CLSTN1: variants seen among roughly 807,000 people sequenced by gnomAD.
CLSTN1 encodes calsyntenin 1, also known as calsyntenin-1.
CLSTN1 carries 28 observed loss-of-function variants against 108.3 expected under a neutral mutation model. The observed-to-expected ratio is 0.26, with a 90% confidence interval of 0.19 to 0.35. CLSTN1 has a LOEUF of 0.35. Ranked by LOEUF, CLSTN1 falls within the 10% of genes least tolerant of loss-of-function variation. The pLI is 1.00. For missense variants in CLSTN1, 1,157 were observed against 1,302.6 expected, an observed-to-expected ratio of 0.89 and a Z score of 1.72; for synonymous variants, 524 against 534.9, an observed-to-expected ratio of 0.98 and a Z score of 0.28.
chr1:9,786,761 G>A lies in CLSTN1; in HGVS notation c.92-13367C>T, dbSNP rs997592677. Among the ~76,000 whole-genome samples the A allele has an allele frequency of 6.6e-5, 10 of 151,224 alleles. No homozygotes were observed. The South Asian group carries it at 8.7e-4, about 13-fold the overall frequency. ...GACACCTGCCTGTCCGCCACCAGGC[G>A]GTCTATGGCTGGGCATGGGCTCACC... On this transcript the variant is annotated intron_variant, in intron 1 of 18. Coordinates refer to ENST00000377298, the MANE Select transcript of CLSTN1 (RefSeq NM_001009566.3).
chr1:9,805,704 TAAAAATAC>T (rs1204050768), intron 1 of CLSTN1, among the ~76,000 whole-genome samples: 2 of 151,584 alleles, frequency 1.3e-5, no homozygotes, highest in East Asian at 3.9e-4. Flanking sequence ...CCATCTCTAC[TAAAAATAC>T]AAAAATTAAC....
At chr1:9,746,204 C>T (rs1318723195) in intron 7 of CLSTN1, among the ~76,000 whole-genome samples, 1 of 152,132 alleles carries the variant, frequency 6.6e-6, no homozygotes, top group Non-Finnish European at 1.5e-5. Context: ...TGATTATTCC[C>T]TTAAAATAAA....
Position 9,731,363 on chromosome 1 carries a change from A to C in CLSTN1, c.2591T>G (p.Ile864Ser). 6.2e-7 allele frequency: 1 copy of C among 1,614,220 alleles called. No individual in the cohort carries two copies. The highest frequency in any genetic ancestry group is 1.1e-5 in the South Asian group (1 of 91,088). ...AVVPSTATVVIVVCVSFLVFM... is the reference protein window; with the variant it reads ...AVVPSTATVVSVVCVSFLVFM... ...CACCAGGAAGCTGACGCACACCACG[A>C]TCACAACTGTCGCAGTGCTGGGGAC... Residue 864 changes from isoleucine (I) to serine (S), a missense_variant, in exon 18 of 19, where the codon ATC becomes AGC. Ile to Ser is a moderately radical substitution (Grantham distance 142). Transcript: ENST00000377298.
chr1:9,773,196 T>C lies in CLSTN1; in HGVS notation c.214+76A>G, dbSNP rs145625853. 8,194 of 1,588,876 alleles carry C rather than the reference T, an allele frequency of 5.2e-3. 30 individuals carry two copies. Among genetic ancestry groups the C allele is most frequent in the Non-Finnish European group, 6.5e-3 (7,518 of 1,162,468 alleles). ...GAGACATTTTCAGAAACGCTCAGCA[T>C]TACCCAAATGGGATGTGCAGAATGC... On this transcript the variant is annotated intron_variant, in intron 2 of 18. Coordinates refer to ENST00000377298, the MANE Select transcript of CLSTN1 (RefSeq NM_001009566.3).
chr1:9,745,254 G>A (rs1348638450), intron 7 of CLSTN1, among the ~76,000 whole-genome samples: 5 of 150,924 alleles, frequency 3.3e-5, no homozygotes, highest in African/African-American at 9.7e-5. Context: ...AAACAAAAAG[G>A]AAGGGAAAGG....
At chr1:9,803,304 T>C (rs1039381515) in intron 1 of CLSTN1, among the ~76,000 whole-genome samples, 2 of 152,122 alleles carry the variant, frequency 1.3e-5, no homozygotes, top group African/African-American at 2.4e-5. Context: ...AACCAGATCA[T>C]TGGTAATCAA....
intron 1 of CLSTN1, among the ~76,000 whole-genome samples, chr1:9,782,486 T>C (rs1653292596): frequency 6.6e-6 from 1 of 152,202 alleles, no homozygotes; most frequent in African/African-American, 2.4e-5. Flanking sequence ...TTTAAAACTA[T>C]GCAAAAGCAA....
chr1:9,797,163 C>T (rs1353308889), intron 1 of CLSTN1, among the ~76,000 whole-genome samples: 1 of 152,118 alleles, frequency 6.6e-6, no homozygotes, highest in Non-Finnish European at 1.5e-5. Context: ...AAACCTTGGC[C>T]CCATCTGAAA....
chr1:9,794,047 C>T (rs905898253), intron 1 of CLSTN1, among the ~76,000 whole-genome samples: 2 of 151,388 alleles, frequency 1.3e-5, no homozygotes, highest in Non-Finnish European at 2.9e-5. Flanking sequence ...GTTCAATAAA[C>T]TAATTGGAGG....
At chr1:9,760,404 TCTG>T (rs1557702216) in intron 2 of CLSTN1, among the ~76,000 whole-genome samples, 2 of 152,136 alleles carry the variant, frequency 1.3e-5, no homozygotes, top group African/African-American at 2.4e-5. Context: ...TGCTGAGCCA[TCTG>T]CAGGGTCAGC....
intron 13 of CLSTN1, 40 bp downstream of exon 13, chr1:9,735,427 A>G (rs1444192033): frequency 6.2e-7 from 1 of 1,613,870 alleles, no homozygotes; most frequent in East Asian, 2.2e-5. Flanking sequence ...TACAAGTGTC[A>G]TTGGGCAAAA....
chr1:9,803,396 G>A (rs531035931), intron 1 of CLSTN1, among the ~76,000 whole-genome samples: 26 of 152,280 alleles, frequency 1.7e-4, no homozygotes, highest in Non-Finnish European at 3.5e-4. Flanking sequence ...CCCAGGTACA[G>A]GCCCACGCAC....
At chr1:9,735,292 C>A in intron 13 of CLSTN1, 118 bp from the exon 14 acceptor site, 1 of 1,366,242 alleles carries the variant, frequency 7.3e-7, no homozygotes, top group Admixed American at 1.8e-5. Context: ...CGGGGCCACT[C>A]CAGGAACACA....
chr1:9,751,616 T>TAGG lies in CLSTN1; in HGVS notation c.503_505dup (p.Ser168dup). On this transcript the variant is annotated inframe_insertion, in exon 5 of 19. Coordinates refer to ENST00000377298, the MANE Select transcript of CLSTN1 (RefSeq NM_001009566.3). Reference sequence around the variant, plus strand: ...CTTCCCCTCGATGACCGTGGCTTTGTAGGACTTCTCCTTGAACACGGGCGC... The same window carrying TAGG: ...CTTCCCCTCGATGACCGTGGCTTTGTAGGAGGACTTCTCCTTGAACACGGGCGC... The TAGG allele has an allele frequency of 6.2e-7, 1 of 1,614,186 alleles. No individual in the cohort carries two copies. Among genetic ancestry groups the TAGG allele is most frequent in the East Asian group, 2.2e-5 (1 of 44,880 alleles).
At chr1:9,735,696 G>A (rs1650649712) in intron 12 of CLSTN1, 81 bp from the exon 13 acceptor site, 3 of 1,574,140 alleles carry the variant, frequency 1.9e-6, no homozygotes. Flanking sequence ...TCCACAAAGG[G>A]GACTGGCCTG....
intron 2 of CLSTN1, among the ~76,000 whole-genome samples, chr1:9,764,637 T>TAAAAAAAAAAAAAA (rs70998307): frequency 1.2e-5 from 1 of 82,332 alleles, no homozygotes; most frequent in Admixed American, 1.5e-4. Context: ...GCTCCATCTT[T>TAAAAAAAAAAAAAA]AAAAAAAAAA....
At chr1:9,765,989 C>T (rs1331201725) in intron 2 of CLSTN1, among the ~76,000 whole-genome samples, 1 of 152,176 alleles carries the variant, frequency 6.6e-6, no homozygotes, top group Non-Finnish European at 1.5e-5. Flanking sequence ...CAGCAGTTAA[C>T]CCCACTGGCC....
At chr1:9,796,968 ACT>A (rs774331376) in intron 1 of CLSTN1, among the ~76,000 whole-genome samples, 9 of 152,272 alleles carry the variant, frequency 5.9e-5, no homozygotes, top group Non-Finnish European at 1.3e-4. Context: ...AAATGCAGAG[ACT>A]CACACTAGAA....
In CLSTN1 at chr1:9,731,894, C is replaced by G; in HGVS notation, c.2430G>C (p.Val810=). ...TGGGGTTGGCCGTGTGGATTACATT[C>G]ACCTATAGCAGAGAAAGAGAGGATC... ...RYISNEFKVE[V]NVIHTANPME... is the part of the protein sequence containing the mutation. Residue 810 remains valine, a splice_region_variant and synonymous_variant, in exon 17 of 19, where the codon GTG becomes GTC. Coordinates refer to ENST00000377298, the MANE Select transcript of CLSTN1 (RefSeq NM_001009566.3). The G allele has an allele frequency of 6.2e-7, 1 of 1,614,112 alleles. No homozygotes were observed. The highest frequency in any genetic ancestry group is 8.5e-7 in the Non-Finnish European group (1 of 1,180,030).
Sources: allele counts gnomAD v4.1 joint callset (sites outside exome capture counted in the v4.1 genomes callset), GRCh38; gene constraint gnomAD v4.1.1; transcripts MANE v1.5; gene names NCBI Gene and HGNC (gene_info 2026-07-23, HGNC 2026-07-21).